PTPRT: variants seen among roughly 807,000 people sequenced by gnomAD.
PTPRT encodes the protein receptor-type tyrosine-protein phosphatase T.
Under a neutral mutation model 176.8 loss-of-function variants are expected in PTPRT, and 56 were observed. That is an observed-to-expected ratio of 0.32 (90% CI 0.26 to 0.40). PTPRT has a LOEUF of 0.40. PTPRT is among the 10% of genes least tolerant of loss of function. The pLI is 1.00. For missense variants in PTPRT, 1,540 were observed against 1,908.2 expected (o/e 0.81, Z 3.60); for synonymous variants, 783 against 739.0 (o/e 1.06, Z -0.96).
At chr20:42,452,268 A>G (rs966130803) in intron 8 of PTPRT, among the ~76,000 whole-genome samples, 5 of 99,354 alleles carry the variant, frequency 5.0e-5, no homozygotes, top group African/African-American at 2.0e-4. Context: ...ACTCCATCTC[A>G]AAAAAAAAAA....
chr20:43,121,349 C>T (rs542911272), intron 1 of PTPRT, among the ~76,000 whole-genome samples: 6 of 152,312 alleles, frequency 3.9e-5, no homozygotes, highest in South Asian at 2.1e-4. Context: ...TTACCCACTT[C>T]GGCTAGCTAT....
intron 13 of PTPRT, among the ~76,000 whole-genome samples, chr20:42,280,589 C>T (rs1156879519): frequency 6.6e-6 from 1 of 152,206 alleles, no homozygotes; most frequent in Non-Finnish European, 1.5e-5. Context: ...ACTTTACCTG[C>T]ATACACACTC....
chr20:42,510,424 T>C (rs1037997109), intron 7 of PTPRT, among the ~76,000 whole-genome samples: 2 of 152,210 alleles, frequency 1.3e-5, no homozygotes, highest in East Asian at 1.9e-4. Context: ...TTAACTTCCA[T>C]AGGCATGAAT....
intron 16 of PTPRT, among the ~76,000 whole-genome samples, chr20:42,190,793 TG>T (rs1349348604): frequency 6.6e-6 from 1 of 152,150 alleles, no homozygotes; most frequent in East Asian, 1.9e-4. Flanking sequence ...TCCTTGTCTA[TG>T]AAATGGGAAT....
At chr20:42,792,536 A>G (rs551793066) in intron 2 of PTPRT, among the ~76,000 whole-genome samples, 99 of 152,150 alleles carry the variant, frequency 6.5e-4, no homozygotes, top group Non-Finnish European at 1.2e-3. Flanking sequence ...GATTAAGGAA[A>G]TTTCACAAGC....
intron 8 of PTPRT, among the ~76,000 whole-genome samples, chr20:42,461,678 G>T (rs548797158): frequency 2.0e-4 from 30 of 152,212 alleles, no homozygotes; most frequent in Non-Finnish European, 4.3e-4. Context: ...TAAGTAAGAG[G>T]ATCTGACTTT....
chr20:42,234,322 C>A (rs754743749), intron 15 of PTPRT, among the ~76,000 whole-genome samples: 3 of 152,144 alleles, frequency 2.0e-5, no homozygotes, highest in African/African-American at 4.8e-5. Context: ...AAAAGAGAAT[C>A]AAAAAGTTTA....
chr20:42,992,129 C>A (rs936628960), intron 1 of PTPRT, among the ~76,000 whole-genome samples: 1 of 152,106 alleles, frequency 6.6e-6, no homozygotes, highest in Admixed American at 6.5e-5. Context: ...AAATAAAAGA[C>A]TGCCCAATTT....
chr20:42,067,351 A>G, the PTPRT span, among the ~76,000 whole-genome samples: 66 of 152,072 alleles, frequency 4.3e-4, no homozygotes, highest in Middle Eastern at 3.4e-3. Context: ...TCCTGTCACA[A>G]TTTTCTCCAT....
At chr20:43,083,335 T>TATGTATATACATATATATATATATATAC (rs2011499272) in intron 1 of PTPRT, among the ~76,000 whole-genome samples, 2 of 106,808 alleles carry the variant, frequency 1.9e-5, no homozygotes, top group Admixed American at 9.8e-5. Flanking sequence ...TATATATATA[T>TATGTATATACATATATATATATATATAC]ATATATATAT....
At chr20:42,962,344 G>C (rs963373875) in intron 1 of PTPRT, among the ~76,000 whole-genome samples, 1 of 152,020 alleles carries the variant, frequency 6.6e-6, no homozygotes, top group Non-Finnish European at 1.5e-5. Context: ...GTTGTTACAG[G>C]TACCAGTGCA....
intron 2 of PTPRT, among the ~76,000 whole-genome samples, chr20:42,833,678 A>G (rs2145701263): frequency 6.6e-6 from 1 of 152,290 alleles, no homozygotes; most frequent in East Asian, 1.9e-4. Context: ...ACTTCTCAAT[A>G]TTGTGAAGGG....
chr20:42,714,019 T>C (rs1332780649), intron 6 of PTPRT, among the ~76,000 whole-genome samples: 1 of 152,198 alleles, frequency 6.6e-6, no homozygotes, highest in Non-Finnish European at 1.5e-5. Flanking sequence ...TATTTCTTTA[T>C]AGCAACGCAA....
chr20:43,110,798 G>C (rs1185127560), intron 1 of PTPRT, among the ~76,000 whole-genome samples: 1 of 152,126 alleles, frequency 6.6e-6, no homozygotes, highest in Non-Finnish European at 1.5e-5. Flanking sequence ...AGCAGAGGAG[G>C]AGAAGGCAAA....
intron 1 of PTPRT, among the ~76,000 whole-genome samples, chr20:42,938,477 T>C (rs893071818): frequency 1.3e-5 from 2 of 152,254 alleles, no homozygotes; most frequent in East Asian, 3.9e-4. Flanking sequence ...CCAATCATAA[T>C]ATAGATGGGC....
chr20:43,166,557 A>G (rs1241859237), intron 1 of PTPRT, among the ~76,000 whole-genome samples: 1 of 152,228 alleles, frequency 6.6e-6, no homozygotes, highest in African/African-American at 2.4e-5. Flanking sequence ...TCATCTGACC[A>G]GTAACCAATT....
At chr20:42,094,539 C>T (rs1285065363) in intron 27 of PTPRT, among the ~76,000 whole-genome samples, 1 of 152,114 alleles carries the variant, frequency 6.6e-6, no homozygotes, top group Non-Finnish European at 1.5e-5. Flanking sequence ...CCTCCTGCCT[C>T]AGCCTCCCAA....
Position 42,229,881 on chromosome 20 carries a change from T to G in PTPRT, c.2342+6348A>C, listed in dbSNP as rs116803830. Among the ~76,000 whole-genome samples, 658 of 152,136 alleles carry G rather than the reference T, an allele frequency of 4.3e-3. 4 individuals are homozygous for G. The highest frequency in any genetic ancestry group is 0.015 in the African/African-American group (626 of 41,488). ...TTTTTTTTTCTTTTCAAGAACAGAGTACCACCCTGTTGACTTTAGCTGTAT... is the reference window on the plus strand; with the variant it reads ...TTTTTTTTTCTTTTCAAGAACAGAGGACCACCCTGTTGACTTTAGCTGTAT... On this transcript the variant is annotated intron_variant, in intron 15 of 30. Coordinates refer to ENST00000373187, the MANE Select transcript of PTPRT (RefSeq NM_007050.6).
intron 1 of PTPRT, among the ~76,000 whole-genome samples, chr20:42,921,646 G>C (rs1484522209): frequency 6.6e-6 from 1 of 152,188 alleles, no homozygotes; most frequent in Non-Finnish European, 1.5e-5. Flanking sequence ...AGTCATACAT[G>C]TTCACTATCT....
Sources: gnomAD v4.1 joint callset for allele counts (sites outside exome capture counted in the v4.1 genomes callset) on GRCh38, gnomAD v4.1.1 for gene constraint, MANE v1.5 for transcripts, NCBI Gene and HGNC (gene_info 2026-07-23, HGNC 2026-07-21) for gene names.